Variants in CELF2 observed in about 807,000 individuals in gnomAD.
CELF2 encodes CUG triplet repeat RNA-binding protein 2.
In CELF2, 8 loss-of-function variants were observed where a neutral mutation model predicts 62.6. The ratio of observed to expected loss-of-function variants is 0.13; its 90% CI spans 0.07 to 0.23. The LOEUF (loss-of-function observed/expected upper bound fraction) is 0.23. Among genes scored for constraint, CELF2 ranks in the 10% least tolerant of loss-of-function variants. The probability of loss-of-function intolerance (pLI) is 1.00; values close to 1 mark genes in which losing one functional copy is unlikely to be tolerated. For synonymous variants in CELF2, 258 were observed against 250.0 expected, an observed-to-expected ratio of 1.03 and a Z score of -0.30; for missense variants, 333 against 671.0, an observed-to-expected ratio of 0.50 and a Z score of 5.56.
Position 10,825,031 on chromosome 10 carries a change from G to A in CELF2, c.53+26214G>A, listed in dbSNP as rs138259111. On this transcript the variant is annotated intron_variant, in intron 1 of 13. Coordinates refer to the CELF2 transcript ENST00000636488. ...GTTTGTAATTATAATCTACACAAGC[G>A]TCTTAATAGTTTCCAAAGATACTTG... 2.2e-3 allele frequency among the ~76,000 whole-genome samples: 330 copies of A among 152,240 alleles called. 1 individual carries two copies. The highest frequency in any genetic ancestry group is 3.3e-3 in the Admixed American group (50 of 15,300).
chr10:11,113,659 T>A (rs1313564669), intron 1 of CELF2, among the ~76,000 whole-genome samples: 1 of 152,182 alleles, frequency 6.6e-6, no homozygotes, highest in Non-Finnish European at 1.5e-5. Context: ...GGAGAAGGCC[T>A]CTGGTGTTCT....
At chr10:10,598,782 A>G in the CELF2 span, among the ~76,000 whole-genome samples, 9 of 61,602 alleles carry the variant, frequency 1.5e-4, no homozygotes, top group African/African-American at 4.7e-4. Flanking sequence ...TTTTTTTGAG[A>G]CAGAGTCTCC....
At chr10:10,689,713 C>T in the CELF2 span, among the ~76,000 whole-genome samples, 1 of 152,216 alleles carries the variant, frequency 6.6e-6, no homozygotes, top group Admixed American at 6.5e-5. Flanking sequence ...TAGCAAATAA[C>T]CGAGAGTGTA....
At chr10:10,840,737 A>G (rs922923041) in intron 1 of CELF2, among the ~76,000 whole-genome samples, 9 of 152,278 alleles carry the variant, frequency 5.9e-5, no homozygotes, top group African/African-American at 2.2e-4. Context: ...GGTTTGTTAC[A>G]TAGGTATACA....
intron 1 of CELF2, among the ~76,000 whole-genome samples, chr10:11,158,923 T>C (rs2065096623): frequency 6.6e-6 from 1 of 152,240 alleles, no homozygotes; most frequent in African/African-American, 2.4e-5. Context: ...TTTAATTTTG[T>C]CAAAGTGCAG....
intron 1 of CELF2, among the ~76,000 whole-genome samples, chr10:11,042,215 C>T (rs981812455): frequency 6.6e-6 from 1 of 152,186 alleles, no homozygotes. Flanking sequence ...TATTATTCGA[C>T]AGTAGACAGT....
At chr10:10,868,324 C>T (rs1461259849) in intron 1 of CELF2, among the ~76,000 whole-genome samples, 1 of 152,214 alleles carries the variant, frequency 6.6e-6, no homozygotes, top group Non-Finnish European at 1.5e-5. Context: ...GAAGTTGACG[C>T]TGGCTGGGAG....
chr10:10,877,753 C>T (rs1426579477), intron 1 of CELF2, among the ~76,000 whole-genome samples: 1 of 152,172 alleles, frequency 6.6e-6, no homozygotes, highest in Non-Finnish European at 1.5e-5. Context: ...TAGGAGGGAA[C>T]CATTTTACTG....
chr10:10,826,842 G>A (rs1289410120), intron 1 of CELF2, among the ~76,000 whole-genome samples: 4 of 152,226 alleles, frequency 2.6e-5, no homozygotes, highest in Non-Finnish European at 5.9e-5. Context: ...ATCAAGAGAA[G>A]CAGAATTATA....
intron 2 of CELF2, chr10:10,946,285 G>C (rs1338587442): frequency 2.0e-5 from 3 of 152,234 alleles, no homozygotes; most frequent in Non-Finnish European, 2.9e-5. Flanking sequence ...GCATAAAGAG[G>C]ACCAATTTGG....
At chr10:10,634,526 A>G in the CELF2 span, among the ~76,000 whole-genome samples, 1 of 152,178 alleles carries the variant, frequency 6.6e-6, no homozygotes, top group African/African-American at 2.4e-5. Context: ...GAAAATAAAT[A>G]TTGTATATAT....
chr10:10,584,238 G>A, the CELF2 span, among the ~76,000 whole-genome samples: 1 of 152,184 alleles, frequency 6.6e-6, no homozygotes, highest in Non-Finnish European at 1.5e-5. Context: ...TGAACGATTT[G>A]CGAATCAGGC....
chr10:10,879,249 G>A (rs2061297815), intron 1 of CELF2, among the ~76,000 whole-genome samples: 1 of 152,130 alleles, frequency 6.6e-6, no homozygotes, highest in Non-Finnish European at 1.5e-5. Context: ...TCTGACAAAG[G>A]CAGAAAACCT....
At chr10:11,323,424 AAAT>A (rs57666869) in intron 11 of CELF2, among the ~76,000 whole-genome samples, 4,651 of 141,604 alleles carry the variant, frequency 0.033, 145 homozygotes, top group African/African-American at 0.077. Context: ...GGCAGAGCAA[AAAT>A]AATAATAATA....
the CELF2 span, among the ~76,000 whole-genome samples, chr10:10,582,760 A>C: frequency 2.6e-5 from 4 of 152,198 alleles, no homozygotes; most frequent in African/African-American, 9.6e-5. Flanking sequence ...CAAATAAGGT[A>C]AAATAAAGGG....
At chr10:10,772,379 A>G in the CELF2 span, among the ~76,000 whole-genome samples, 1 of 152,250 alleles carries the variant, frequency 6.6e-6, no homozygotes, top group Non-Finnish European at 1.5e-5. Flanking sequence ...TTTAAAACTC[A>G]GCTTTCAATT....
chr10:11,188,651 G>C (rs78917997), intron 2 of CELF2, among the ~76,000 whole-genome samples: 1 of 152,218 alleles, frequency 6.6e-6, no homozygotes, highest in East Asian at 1.9e-4. Context: ...AGTTCATTGA[G>C]ATTTTTGGAC....
At position 11,324,214 on chromosome 10, in the gene CELF2, G is replaced by A. The variant is rs183608878; in HGVS notation, c.1295-1622G>A. On this transcript the variant is annotated intron_variant, in intron 11 of 12. Transcript: ENST00000633077. This position sits in a 1 kb window ranked among gnomAD's most constrained non-coding sequence, Gnocchi z 4.7. ...TGCATTGAAACTGTATTTTCTCCCC[G>A]GCTTCAGGAGGTGAGATGTACTTCA... Among the ~76,000 whole-genome samples, 8 of 152,274 alleles carry A rather than the reference G, an allele frequency of 5.3e-5. No individual in the cohort carries two copies. The highest frequency in any genetic ancestry group is 2.6e-4 in the Admixed American group (4 of 15,304).
Position 11,177,536 on chromosome 10 carries a change from A to C in CELF2, c.271+11854A>C, listed in dbSNP as rs1286328409. 1.3e-5 allele frequency among the ~76,000 whole-genome samples: 2 copies of C among 152,190 alleles called. No individual in the cohort carries two copies. The highest frequency in any genetic ancestry group is 2.4e-5 in the African/African-American group (1 of 41,440). On this transcript the variant is annotated intron_variant, in intron 2 of 12. Transcript: ENST00000633077. This position sits in a 1 kb window ranked among gnomAD's most constrained non-coding sequence, Gnocchi z 4.8. ...TTGCTTAATTTGTACACTTCCCTGC[A>C]GTGCTGGAAATGGACTTTTCCTTTG... is the stretch of plus-strand genomic sequence containing the variant.
Sources: allele counts gnomAD v4.1 joint callset (sites outside exome capture counted in the v4.1 genomes callset), GRCh38; gene constraint gnomAD v4.1.1; non-coding constraint Gnocchi (gnomAD v3.1); transcripts MANE v1.5; gene names NCBI Gene and HGNC (gene_info 2026-07-23, HGNC 2026-07-21).